Variants in USP32 observed in about 807,000 individuals in gnomAD.
USP32 encodes the protein ubiquitin carboxyl-terminal hydrolase 32.
A neutral mutation model predicts 204.8 loss-of-function variants in USP32; 59 were observed. That is an observed-to-expected ratio of 0.29 (90% CI 0.23 to 0.36). The LOEUF is 0.36. Ranked by LOEUF, USP32 falls within the 10% of genes least tolerant of loss-of-function variation. The pLI, the probability that USP32 is intolerant of heterozygous loss-of-function variation, is 1.00. For missense variants in USP32, 1,160 were observed against 1,946.4 expected (o/e 0.60, Z 7.60); for synonymous variants, 517 against 678.4 (o/e 0.76, Z 3.70).
intron 1 of USP32, among the ~76,000 whole-genome samples, chr17:60,414,160 C>T (rs1353522874): frequency 2.6e-5 from 4 of 151,892 alleles, no homozygotes; most frequent in Admixed American, 2.0e-4. Flanking sequence ...GTCAGGAGTT[C>T]GAGACCAGCC....
At chr17:60,268,212 C>G (rs1185875635) in intron 7 of USP32, among the ~76,000 whole-genome samples, 1 of 152,056 alleles carries the variant, frequency 6.6e-6, no homozygotes, top group Non-Finnish European at 1.5e-5. Flanking sequence ...AGTTTAACTT[C>G]CATTAGTTCA....
At chr17:60,299,931 T>C (rs919911282) in intron 3 of USP32, among the ~76,000 whole-genome samples, 1 of 152,182 alleles carries the variant, frequency 6.6e-6, no homozygotes, top group African/African-American at 2.4e-5. Context: ...CTCTGGGGCC[T>C]CTTTTATTAG....
chr17:60,227,513 G>A (rs951704068), intron 12 of USP32, among the ~76,000 whole-genome samples: 16 of 151,252 alleles, frequency 1.1e-4, no homozygotes, highest in Non-Finnish European at 2.2e-4. Context: ...CAGGTTATCT[G>A]CCCGCCTGGG....
chr17:60,259,775 C>T (rs934799063), intron 9 of USP32, among the ~76,000 whole-genome samples: 2 of 152,142 alleles, frequency 1.3e-5, no homozygotes, highest in African/African-American at 4.8e-5. Flanking sequence ...GCTGCTGTCA[C>T]TCACTAATTC....
At chr17:60,366,853 T>C (rs1486219770) in intron 1 of USP32, among the ~76,000 whole-genome samples, 2 of 151,980 alleles carry the variant, frequency 1.3e-5, no homozygotes, top group Non-Finnish European at 2.9e-5. Context: ...GAGGGAGTCT[T>C]GCTCTGTCAC....
chr17:60,207,857 A>T (rs1403778087), intron 24 of USP32: 2 of 765,860 alleles, frequency 2.6e-6, no homozygotes, highest in African/African-American at 3.9e-5. Context: ...AAATACCACC[A>T]TCAGTATTAT....
chr17:60,324,226 C>T, intron 2 of USP32, among the ~76,000 whole-genome samples: 1 of 151,706 alleles, frequency 6.6e-6, no homozygotes, highest in African/African-American at 2.4e-5. Context: ...AGGTTGCAAT[C>T]AGCTATGATT....
At chr17:60,271,648 T>C (rs1452365570) in intron 5 of USP32, among the ~76,000 whole-genome samples, 167 bp from the exon 6 acceptor site, 2 of 152,066 alleles carry the variant, frequency 1.3e-5, no homozygotes, top group African/African-American at 4.8e-5. Context: ...TCCAAAATGG[T>C]AGGAAAATTA....
At position 60,226,042 on chromosome 17, in the gene USP32, T is replaced by C; in HGVS notation, c.1429A>G (p.Ser477Gly). The part of the protein sequence containing the change: ...TASEASETAG[S>G]GFLYSATPGA... ...CAGGGGAATAGGTCATATTTACCGCTGCCAGCAGTTTCTGAGGCTTCAGAT... is the reference window on the plus strand; with the variant it reads ...CAGGGGAATAGGTCATATTTACCGCCGCCAGCAGTTTCTGAGGCTTCAGAT... Residue 477 changes from serine (S) to glycine (G), a missense_variant, in exon 13 of 34, where the codon AGC becomes GGC. By Grantham distance (56) the Ser-to-Gly change is moderately conservative. Transcript: ENST00000300896. The C allele has an allele frequency of 6.2e-7, 1 of 1,600,262 alleles. No homozygotes were observed. The highest frequency in any genetic ancestry group is 1.1e-5 in the South Asian group (1 of 87,440).
intron 10 of USP32, 120 bp from the exon 11 acceptor site, chr17:60,252,562 C>T (rs1490455262): frequency 4.4e-6 from 3 of 678,296 alleles, no homozygotes; most frequent in African/African-American, 3.8e-5. Context: ...CATGAATTAT[C>T]AATTATTCAC....
intron 18 of USP32, among the ~76,000 whole-genome samples, 159 bp downstream of exon 18, chr17:60,213,422 G>A (rs1455411180): frequency 6.6e-6 from 1 of 151,324 alleles, no homozygotes; most frequent in Non-Finnish European, 1.5e-5. Context: ...AGAGTTCAAA[G>A]GGTTTTCTTT....
At chr17:60,219,902 C>T (rs1378474955) in intron 15 of USP32, 115 bp from the exon 16 acceptor site, 6 of 974,884 alleles carry the variant, frequency 6.2e-6, no homozygotes, top group Non-Finnish European at 7.3e-6. Context: ...TCACTAGCTA[C>T]ATTTCAGTAA....
intron 5 of USP32, among the ~76,000 whole-genome samples, chr17:60,288,194 C>A (rs1398386385): frequency 2.0e-5 from 3 of 148,268 alleles, no homozygotes; most frequent in Admixed American, 6.7e-5. Flanking sequence ...AGACTCAGGA[C>A]TTTGGGAAAC....
intron 3 of USP32, among the ~76,000 whole-genome samples, chr17:60,300,247 A>G (rs1231747762): frequency 6.6e-6 from 1 of 152,232 alleles, no homozygotes; most frequent in African/African-American, 2.4e-5. Context: ...TGCAGGGCTT[A>G]TGAATGCTTT....
chr17:60,380,329 G>A, intron 1 of USP32, among the ~76,000 whole-genome samples: 1 of 152,186 alleles, frequency 6.6e-6, no homozygotes, highest in East Asian at 1.9e-4. Flanking sequence ...CACTTTGGGA[G>A]GCTGTGGTGG....
chr17:60,255,300 T>TTC, intron 9 of USP32, 42 bp from the exon 10 acceptor site: 1 of 799,172 alleles, frequency 1.3e-6, no homozygotes. Context: ...TTTTTTTTCT[T>TTC]TTTTTTTTTT....
rs752285429 is a variant in USP32, at chr17:60,198,250, C to T, written c.3434+10G>A. 1.4e-4 allele frequency: 230 copies of T among 1,613,516 alleles called. No individual in the cohort carries two copies. Among genetic ancestry groups the T allele is most frequent in the Non-Finnish European group, 1.8e-4 (208 of 1,179,790 alleles). On this transcript the variant is annotated intron_variant, in intron 27 of 33. Coordinates refer to ENST00000300896, the MANE Select transcript of USP32 (RefSeq NM_032582.4). ...GAAACCACAGGTTTAGATGGATCCC[C>T]TGAACTCACCAATCCTGGGCATGAT...
intron 9 of USP32, among the ~76,000 whole-genome samples, chr17:60,262,651 A>T (rs1246489337): frequency 6.6e-6 from 1 of 152,090 alleles, no homozygotes; most frequent in African/African-American, 2.4e-5. Context: ...GCCCTTCAAG[A>T]TACGTCTCCA....
chr17:60,216,014 C>T (rs888602825), intron 16 of USP32, among the ~76,000 whole-genome samples: 1 of 151,750 alleles, frequency 6.6e-6, no homozygotes, highest in South Asian at 2.1e-4. Flanking sequence ...CACATTTGGT[C>T]AAAACAGAGT....
Sources: allele counts gnomAD v4.1 joint callset (sites outside exome capture counted in the v4.1 genomes callset), GRCh38; gene constraint gnomAD v4.1.1; transcripts MANE v1.5; gene names NCBI Gene and HGNC (gene_info 2026-07-23, HGNC 2026-07-21).